Variants in ARL15 observed in about 807,000 individuals in gnomAD.
ARL15 encodes ADP-ribosylation factor-like protein 15.
ARL15 carries 19 observed loss-of-function variants against 25.2 expected under a neutral mutation model. The observed-to-expected ratio is 0.75, with a 90% CI of 0.53 to 1.10. The LOEUF is 1.10. Ranked by LOEUF, ARL15 falls within the 50% of genes least tolerant of loss-of-function variation. ARL15 has a pLI of 0.00. For missense variants in ARL15, 220 were observed against 246.0 expected, an observed-to-expected ratio of 0.89 and a Z score of 0.71; for synonymous variants, 94 against 86.8, an observed-to-expected ratio of 1.08 and a Z score of -0.46.
At chr5:54,290,905 G>C (rs1758304574) in intron 1 of ARL15, among the ~76,000 whole-genome samples, 1 of 151,886 alleles carries the variant, frequency 6.6e-6, no homozygotes, top group Non-Finnish European at 1.5e-5. Context: ...CCACTTCTTT[G>C]GGCATGATAC....
At chr5:53,999,768 T>C (rs530014613) in intron 4 of ARL15, among the ~76,000 whole-genome samples, 7 of 151,604 alleles carry the variant, frequency 4.6e-5, no homozygotes, top group African/African-American at 1.7e-4. Context: ...TGGTGGCACA[T>C]GCCTGTAATC....
At chr5:54,107,069 C>T (rs1387591509) in intron 4 of ARL15, among the ~76,000 whole-genome samples, 1 of 152,076 alleles carries the variant, frequency 6.6e-6, no homozygotes, top group African/African-American at 2.4e-5. Context: ...GGGGAGGCCT[C>T]AGAATCACGG....
At chr5:54,256,051 GA>G (rs1245816264) in intron 1 of ARL15, among the ~76,000 whole-genome samples, 320 of 136,402 alleles carry the variant, frequency 2.3e-3, no homozygotes, top group Middle Eastern at 0.011. Context: ...CTAGCAGAAG[GA>G]AAAAAAAAAA....
chr5:54,238,094 C>T (rs542004437), intron 1 of ARL15, among the ~76,000 whole-genome samples: 47 of 152,298 alleles, frequency 3.1e-4, no homozygotes, highest in Middle Eastern at 3.4e-3. Context: ...ACCATTCTTT[C>T]CATATCACTA....
chr5:54,179,251 G>A (rs752041118), intron 1 of ARL15, among the ~76,000 whole-genome samples: 19 of 152,184 alleles, frequency 1.2e-4, no homozygotes, highest in Non-Finnish European at 2.9e-5. Context: ...GAGCTATTAA[G>A]TGGCAGAGCT....
chr5:54,120,558 T>G (rs1011859110), intron 3 of ARL15, among the ~76,000 whole-genome samples: 2 of 152,188 alleles, frequency 1.3e-5, no homozygotes, highest in Non-Finnish European at 2.9e-5. Flanking sequence ...GGAACAGTTC[T>G]GGAGAAATGT....
chr5:54,283,897 T>C (rs987800664), intron 1 of ARL15, among the ~76,000 whole-genome samples: 5 of 152,194 alleles, frequency 3.3e-5, no homozygotes, highest in Admixed American at 3.3e-4. Flanking sequence ...AAGAGCCCTT[T>C]TTTGCTCTTC....
intron 4 of ARL15, among the ~76,000 whole-genome samples, chr5:53,998,813 A>G (rs1748767257): frequency 6.6e-6 from 1 of 152,198 alleles, no homozygotes; most frequent in Non-Finnish European, 1.5e-5. Context: ...AAAAGGAGAG[A>G]CAGACATGGG....
At chr5:54,114,100 A>G (rs974889615) in intron 3 of ARL15, among the ~76,000 whole-genome samples, 2 of 152,136 alleles carry the variant, frequency 1.3e-5, no homozygotes, top group Non-Finnish European at 2.9e-5. Flanking sequence ...TAAACAAACA[A>G]ACAAACATAT....
At chr5:54,088,443 TA>T (rs917789941) in intron 4 of ARL15, among the ~76,000 whole-genome samples, 2 of 151,478 alleles carry the variant, frequency 1.3e-5, no homozygotes, top group South Asian at 2.1e-4. Flanking sequence ...AACAAAACTG[TA>T]AAAAAAAATC....
chr5:54,180,470 A>C (rs1424642292), intron 1 of ARL15, among the ~76,000 whole-genome samples: 1 of 152,234 alleles, frequency 6.6e-6, no homozygotes, highest in Non-Finnish European at 1.5e-5. Flanking sequence ...CCTGGCTGCC[A>C]GACACAGCCC....
chr5:54,178,180 T>C (rs1017637033), intron 1 of ARL15, among the ~76,000 whole-genome samples: 3 of 152,342 alleles, frequency 2.0e-5, no homozygotes, highest in African/African-American at 2.4e-5. Context: ...CACTGGCCCC[T>C]GCATTGCCAG....
intron 2 of ARL15, among the ~76,000 whole-genome samples, chr5:54,162,250 C>A (rs1754427317): frequency 6.6e-6 from 1 of 152,136 alleles, no homozygotes; most frequent in Non-Finnish European, 1.5e-5. Flanking sequence ...CTATAATGAA[C>A]ACACAGGTCC....
At chr5:53,999,274 C>G (rs933785017) in intron 4 of ARL15, among the ~76,000 whole-genome samples, 1 of 152,126 alleles carries the variant, frequency 6.6e-6, no homozygotes, top group African/African-American at 2.4e-5. Context: ...AAGGGAACTT[C>G]AAACAAAAAG....
intron 1 of ARL15, among the ~76,000 whole-genome samples, chr5:54,235,341 T>C (rs1037080634): frequency 1.3e-5 from 2 of 152,180 alleles, no homozygotes; most frequent in African/African-American, 4.8e-5. Flanking sequence ...GATAAAATAA[T>C]GTAATGACAT....
chr5:53,993,180 G>T (rs1489575028), intron 4 of ARL15, among the ~76,000 whole-genome samples: 2 of 152,216 alleles, frequency 1.3e-5, no homozygotes, highest in African/African-American at 4.8e-5. Context: ...GAAACACAGT[G>T]CAGATTGTTA....
chr5:54,202,276 C>G (rs957935193), intron 1 of ARL15, among the ~76,000 whole-genome samples: 6 of 152,140 alleles, frequency 3.9e-5, no homozygotes, highest in African/African-American at 1.4e-4. Context: ...GTGACTGTTA[C>G]GTTACATGGC....
At chr5:54,191,969 C>T (rs1480024576) in intron 1 of ARL15, among the ~76,000 whole-genome samples, 2 of 152,070 alleles carry the variant, frequency 1.3e-5, no homozygotes, top group Non-Finnish European at 2.9e-5. Context: ...TTCCTCCTTC[C>T]TCCCCCACTC....
intron 1 of ARL15, among the ~76,000 whole-genome samples, chr5:54,185,133 T>A (rs1579887153): frequency 6.6e-6 from 1 of 152,224 alleles, no homozygotes; most frequent in East Asian, 1.9e-4. Flanking sequence ...AAAACTTAAT[T>A]GATAATAATA....
Sources: allele counts gnomAD v4.1 joint callset (sites outside exome capture counted in the v4.1 genomes callset), GRCh38; gene constraint gnomAD v4.1.1; transcripts MANE v1.5; gene names NCBI Gene and HGNC (gene_info 2026-07-23, HGNC 2026-07-21).